The following LRMDA variants were observed in gnomAD, a reference collection of about 807,000 sequenced individuals.
LRMDA encodes the protein leucine-rich melanocyte differentiation-associated protein.
Under a neutral mutation model 29.8 loss-of-function variants are expected in LRMDA, and 18 were observed. The ratio of observed to expected loss-of-function variants is 0.60; its 90% CI spans 0.42 to 0.90. The LOEUF (loss-of-function observed/expected upper bound fraction) is 0.90. Ranked by LOEUF, LRMDA falls within the 40% of genes least tolerant of loss-of-function variation. The probability of loss-of-function intolerance (pLI) is 0.00; values close to 1 mark genes in which losing one functional copy is unlikely to be tolerated. For synonymous variants in LRMDA, 125 were observed against 109.4 expected, an observed-to-expected ratio of 1.14 and a Z score of -0.89; for missense variants, 273 against 273.9, an observed-to-expected ratio of 1.00 and a Z score of 0.02.
chr10:76,220,392 AAG>A (rs1228148730), intron 5 of LRMDA, among the ~76,000 whole-genome samples: 1 of 152,176 alleles, frequency 6.6e-6, no homozygotes, highest in Non-Finnish European at 1.5e-5. Flanking sequence ...TAAAGAAGAA[AAG>A]AGAGAAGAAT....
Position 75,647,260 on chromosome 10 carries a change from T to G in LRMDA, c.131+208766T>G, listed in dbSNP as rs546170757. On this transcript the variant is annotated intron_variant, in intron 2 of 6. Transcript: ENST00000611255. The stretch of plus-strand genomic sequence containing the variant: ...CTTGCAACCATGTCCAATTTTTTTT[T>G]AAAACCCTAAAGACTTAAATGCTCT... Among the ~76,000 whole-genome samples, 246 of 152,256 alleles carry G rather than the reference T, an allele frequency of 1.6e-3. 1 individual carries two copies. The highest frequency in any genetic ancestry group is 1.0e-3 in the Non-Finnish European group (71 of 68,018).
chr10:76,394,540 A>G (rs575926603), intron 6 of LRMDA, among the ~76,000 whole-genome samples: 1 of 152,266 alleles, frequency 6.6e-6, no homozygotes, highest in South Asian at 2.1e-4. Context: ...CTGGGGTTAC[A>G]CTGTGTCCAG....
chr10:75,901,820 A>G (rs1845678663), intron 2 of LRMDA, among the ~76,000 whole-genome samples: 1 of 152,140 alleles, frequency 6.6e-6, no homozygotes, highest in Non-Finnish European at 1.5e-5. Context: ...CTTTTTATTT[A>G]TTTATTTAAA....
chr10:76,228,895 A>T (rs1852009569), intron 5 of LRMDA, among the ~76,000 whole-genome samples: 1 of 152,214 alleles, frequency 6.6e-6, no homozygotes, highest in African/African-American at 2.4e-5. Context: ...TATTATTTAA[A>T]CTATAGCTTA....
intron 2 of LRMDA, among the ~76,000 whole-genome samples, chr10:75,958,349 G>A (rs999218112): frequency 1.1e-4 from 17 of 152,146 alleles, no homozygotes; most frequent in African/African-American, 3.1e-4. Context: ...TTGGGAATGC[G>A]GTATTCCGGT....
intron 2 of LRMDA, among the ~76,000 whole-genome samples, chr10:75,988,025 G>A (rs534779225): frequency 1.7e-4 from 26 of 152,278 alleles, no homozygotes; most frequent in African/African-American, 3.6e-4. Context: ...TATGTGTTTC[G>A]TTTAAAAGCA....
chr10:75,475,318 G>A (rs1221443134), intron 2 of LRMDA, among the ~76,000 whole-genome samples: 1 of 152,160 alleles, frequency 6.6e-6, no homozygotes, highest in African/African-American at 2.4e-5. Context: ...ATGGGTGTTG[G>A]GTGGCTAGAG....
At chr10:75,905,317 T>C (rs1312034021) in intron 2 of LRMDA, among the ~76,000 whole-genome samples, 2 of 132,298 alleles carry the variant, frequency 1.5e-5, no homozygotes, top group African/African-American at 6.2e-5. Context: ...GGTAACTGAT[T>C]TTTTTTTAAA....
chr10:76,475,385 C>A (rs1373399745), intron 6 of LRMDA, among the ~76,000 whole-genome samples: 1 of 151,724 alleles, frequency 6.6e-6, no homozygotes, highest in African/African-American at 2.4e-5. Flanking sequence ...ACAGGAGCAC[C>A]CAGATTTATA....
chr10:76,058,571 CG>C, intron 4 of LRMDA, 94 bp from the exon 5 acceptor site: 1 of 1,001,768 alleles, frequency 1.0e-6, no homozygotes, highest in Non-Finnish European at 1.6e-6. Context: ...TCCAGAAGAC[CG>C]GATGGTGTGG....
chr10:76,205,415 G>C (rs1289842395), intron 5 of LRMDA, among the ~76,000 whole-genome samples: 1 of 152,140 alleles, frequency 6.6e-6, no homozygotes, highest in African/African-American at 2.4e-5. Flanking sequence ...AAGTTTCCCA[G>C]ACTTTAATGG....
chr10:75,647,848 C>G (rs1025096833), intron 2 of LRMDA, among the ~76,000 whole-genome samples: 1 of 152,062 alleles, frequency 6.6e-6, no homozygotes, highest in East Asian at 1.9e-4. Context: ...CTCTCTGGTC[C>G]CACTCCTGCC....
At chr10:76,498,702 T>C (rs371936119) in intron 6 of LRMDA, among the ~76,000 whole-genome samples, 3 of 76,570 alleles carry the variant, frequency 3.9e-5, no homozygotes, top group Non-Finnish European at 8.7e-5. Context: ...GGTTGTTTAG[T>C]AAGTAGAAAG....
chr10:76,530,845 C>G (rs1843225851), intron 6 of LRMDA, among the ~76,000 whole-genome samples: 1 of 152,082 alleles, frequency 6.6e-6, no homozygotes, highest in Non-Finnish European at 1.5e-5. Flanking sequence ...AGAAGGTGAT[C>G]AAATAAATAA....
intron 6 of LRMDA, among the ~76,000 whole-genome samples, chr10:76,413,486 C>G (rs1841984299): frequency 6.6e-6 from 1 of 152,134 alleles, no homozygotes; most frequent in African/African-American, 2.4e-5. Context: ...ACAAAACCAT[C>G]AGATCCCCTG....
At chr10:76,145,299 G>A (rs1471622182) in intron 5 of LRMDA, among the ~76,000 whole-genome samples, 1 of 152,158 alleles carries the variant, frequency 6.6e-6, no homozygotes, top group Non-Finnish European at 1.5e-5. Context: ...GGTAGAATTT[G>A]GCTGTGAATC....
intron 2 of LRMDA, among the ~76,000 whole-genome samples, chr10:75,991,600 T>C (rs1346698996): frequency 6.6e-6 from 1 of 152,222 alleles, no homozygotes; most frequent in Non-Finnish European, 1.5e-5. Flanking sequence ...CTAGAAGTGC[T>C]GAATTGAGAA....
At chr10:75,748,905 ATGTATG>A (rs1357010216) in intron 2 of LRMDA, among the ~76,000 whole-genome samples, 11 of 152,194 alleles carry the variant, frequency 7.2e-5, no homozygotes, top group Non-Finnish European at 1.5e-4. Context: ...ATACATTTAT[ATGTATG>A]TGTATCTATA....
At chr10:76,405,632 C>T (rs539694185) in intron 6 of LRMDA, among the ~76,000 whole-genome samples, 20 of 152,240 alleles carry the variant, frequency 1.3e-4, no homozygotes, top group East Asian at 1.9e-4. Context: ...TCACAACTGA[C>T]GGGATGTGTT....
Sources: gnomAD v4.1 joint callset for allele counts (sites outside exome capture counted in the v4.1 genomes callset) on GRCh38, gnomAD v4.1.1 for gene constraint, MANE v1.5 for transcripts, NCBI Gene and HGNC (gene_info 2026-07-23, HGNC 2026-07-21) for gene names.